The following PCSK5 variants were observed in gnomAD, a reference collection of about 807,000 sequenced individuals.
The protein encoded by PCSK5 is proprotein convertase subtilisin/kexin type 5, also known as prohormone convertase 5.
In PCSK5, 129 loss-of-function variants were observed where a neutral mutation model predicts 233.2. The ratio of observed to expected loss-of-function variants is 0.55; its 90% confidence interval spans 0.48 to 0.64. PCSK5 has a LOEUF of 0.64. PCSK5 is among the 30% of genes least tolerant of loss of function. The pLI, the probability that PCSK5 is intolerant of heterozygous loss-of-function variation, is 0.00. For missense variants in PCSK5, 2,076 were observed against 2,430.1 expected (o/e 0.85, Z 3.06); for synonymous variants, 825 against 879.2 (o/e 0.94, Z 1.09).
chr9:76,273,347 C>T (rs1827584338), intron 24 of PCSK5, among the ~76,000 whole-genome samples: 1 of 151,932 alleles, frequency 6.6e-6, no homozygotes, highest in East Asian at 1.9e-4. Context: ...TTTCTACTTG[C>T]TTCATTCCCC....
intron 3 of PCSK5, among the ~76,000 whole-genome samples, chr9:76,007,544 C>G (rs74644155): frequency 0.023 from 3,472 of 152,160 alleles, 132 homozygotes; most frequent in African/African-American, 0.077. Context: ...TTGATTTTAT[C>G]AATGCATTTG....
At chr9:75,941,136 C>A (rs778347893) in intron 2 of PCSK5, among the ~76,000 whole-genome samples, 1 of 152,190 alleles carries the variant, frequency 6.6e-6, no homozygotes, top group Non-Finnish European at 1.5e-5. Flanking sequence ...CTCCTTCCAG[C>A]GGGCGCTCCT....
intron 24 of PCSK5, among the ~76,000 whole-genome samples, chr9:76,282,147 T>TTTTCTC (rs1827894461): frequency 7.4e-6 from 1 of 135,294 alleles, no homozygotes; most frequent in Non-Finnish European, 1.5e-5. Flanking sequence ...TTTTTTTTTT[T>TTTTCTC]CGCTCTGTTG....
chr9:76,179,180 C>A (rs919273318), intron 14 of PCSK5, among the ~76,000 whole-genome samples: 2 of 152,106 alleles, frequency 1.3e-5, no homozygotes, highest in East Asian at 3.9e-4. Context: ...TTGGTCCAGG[C>A]GTTAAATAAT....
chr9:75,911,622 T>G (rs1822742741), intron 1 of PCSK5, among the ~76,000 whole-genome samples: 1 of 152,072 alleles, frequency 6.6e-6, no homozygotes, highest in African/African-American at 2.4e-5. Context: ...AAGCTATGAG[T>G]TGACTGGTAG....
chr9:76,087,821 C>T (rs1831126262), intron 7 of PCSK5, among the ~76,000 whole-genome samples: 1 of 152,084 alleles, frequency 6.6e-6, no homozygotes, highest in African/African-American at 2.4e-5. Flanking sequence ...TGGTATGGGG[C>T]TGAAAAGATA....
At chr9:76,071,426 T>G (rs1830476944) in intron 6 of PCSK5, among the ~76,000 whole-genome samples, 1 of 152,122 alleles carries the variant, frequency 6.6e-6, no homozygotes, top group Non-Finnish European at 1.5e-5. Context: ...CTTTGTCAAG[T>G]ACTCACTCAA....
At chr9:76,314,743 C>A (rs548750331) in intron 30 of PCSK5, among the ~76,000 whole-genome samples, 1 of 151,762 alleles carries the variant, frequency 6.6e-6, no homozygotes, top group East Asian at 2.0e-4. Flanking sequence ...TTCAAGCAAT[C>A]ATCCTGCCTC....
In PCSK5 at chr9:76,351,424, CCCCCCCTGCAATGTGAAAGAAAGGAA is replaced by C. The variant is rs1830119664; in HGVS notation, c.5067+497_5067+522del. 3.7e-5 allele frequency among the ~76,000 whole-genome samples: 4 copies of C among 109,036 alleles called. No individual in the cohort carries two copies. In the South Asian group the frequency reaches 1.4e-3, roughly 37 times the overall value. The allele number at this position is 109,036 out of a possible 152,430, so 71.5% of individuals were successfully genotyped here. On this transcript the variant is annotated intron_variant, in intron 36 of 37. Transcript: ENST00000674117. ...ATTTCTGGTTTCTACCAGAAACCGC[CCCCCCCTGCAATGTGAAAGAAAGGAA>C]AGAAAGAAAGAAAGAAAGAAAGAAA... is the stretch of plus-strand genomic sequence containing the variant.
At chr9:75,983,480 T>C (rs1218524428) in intron 2 of PCSK5, among the ~76,000 whole-genome samples, 14 of 152,188 alleles carry the variant, frequency 9.2e-5, no homozygotes, top group Admixed American at 8.5e-4. Context: ...GCACAATGTT[T>C]ACTTGGACCA....
rs1828405087 is a variant in PCSK5 at position 76,295,318 on chromosome 9, AG to A, written c.3230del (p.Ser1077MetfsTer31). 3 of 1,611,708 alleles carry A rather than the reference AG, an allele frequency of 1.9e-6. No individual in the cohort carries two copies. The highest frequency in any genetic ancestry group is 2.5e-6 in the Non-Finnish European group (3 of 1,179,046). On this transcript the variant is annotated frameshift_variant, in exon 26 of 38. Coordinates refer to ENST00000674117, the MANE Select transcript of PCSK5 (RefSeq NM_001372043.1). LOFTEE classifies it high-confidence loss of function. ...TAAAACCTGTCCTGAGAAGACCTAC[AG>A]TGAGGAAGTGGAATGCAAGGCGTGT... Reference protein sequence around the residue: ...CYKTCPEKTYSEEVECKACDS... With the variant: ...CYKTCPEKTYXEEVECKACDS...
In PCSK5 at chr9:75,957,800, G is replaced by T. The variant is rs147670152; in HGVS notation, c.297+25317G>T. 5.1e-3 allele frequency among the ~76,000 whole-genome samples: 775 copies of T among 152,236 alleles called. 9 individuals are homozygous for T. Among genetic ancestry groups the T allele is most frequent in the African/African-American group, 0.017 (723 of 41,548 alleles). On this transcript the variant is annotated intron_variant, in intron 2 of 37. Coordinates refer to ENST00000674117, the MANE Select transcript of PCSK5 (RefSeq NM_001372043.1). Reference sequence around the variant, plus strand: ...AATATGAACATTTCCTGTTAGTCAAGAAGAAAAAATGAAAACTTTTGGAAC... The same window carrying T: ...AATATGAACATTTCCTGTTAGTCAATAAGAAAAAATGAAAACTTTTGGAAC...
At chr9:75,930,444 G>T (rs568310901) in intron 1 of PCSK5, among the ~76,000 whole-genome samples, 1 of 152,134 alleles carries the variant, frequency 6.6e-6, no homozygotes, top group Non-Finnish European at 1.5e-5. Context: ...TAGATGAAGC[G>T]TACGGAATAG....
rs777224109 is a variant in PCSK5, at chr9:76,328,075, T to G, written c.4406T>G (p.Ile1469Ser). ...GTCTTCQKGL[I>S]MNPRGSCMAN... ...TGCACCACCTGTCAGAAAGGCCTGA[T>G]CATGAACCCTCGTGGGAGCTGCATG... The change falls in exon 33 of 38, where the codon ATC becomes AGC. Residue 1469 changes from isoleucine to serine, a missense_variant. Ile to Ser is a moderately radical substitution (Grantham distance 142). Around this residue, in one of 6 missense-constraint regions of PCSK5, gnomAD observed 1,510 missense variants for 1,538.1 expected, o/e 0.98. Transcript: ENST00000674117. 5.6e-6 allele frequency: 9 copies of G among 1,612,768 alleles called. No individual in the cohort carries two copies. The highest frequency in any genetic ancestry group is 7.6e-6 in the Non-Finnish European group (9 of 1,179,884).
At chr9:75,984,890 G>A (rs2131390529) in intron 2 of PCSK5, among the ~76,000 whole-genome samples, 1 of 152,268 alleles carries the variant, frequency 6.6e-6, no homozygotes, top group Non-Finnish European at 1.5e-5. Flanking sequence ...CACTTTGACT[G>A]AGAAGGATGC....
intron 13 of PCSK5, among the ~76,000 whole-genome samples, chr9:76,174,577 T>C (rs1462066143): frequency 6.6e-6 from 1 of 152,112 alleles, no homozygotes; most frequent in Non-Finnish European, 1.5e-5. Flanking sequence ...CCCAAGGTGC[T>C]GGGATTACAG....
intron 4 of PCSK5, 86 bp from the exon 5 acceptor site, chr9:76,026,875 T>C: frequency 1.2e-6 from 1 of 855,674 alleles, no homozygotes; most frequent in Non-Finnish European, 1.9e-6. Flanking sequence ...GGCAGAAATG[T>C]ATTTAAAAAT....
At chr9:75,906,077 C>T (rs965058506) in intron 1 of PCSK5, among the ~76,000 whole-genome samples, 3 of 152,074 alleles carry the variant, frequency 2.0e-5, no homozygotes, top group Non-Finnish European at 4.4e-5. Flanking sequence ...AGGAGACAAG[C>T]CATAATCCAG....
chr9:75,951,043 A>G (rs1824833434), intron 2 of PCSK5, among the ~76,000 whole-genome samples: 1 of 152,232 alleles, frequency 6.6e-6, no homozygotes, highest in Non-Finnish European at 1.5e-5. Context: ...CCTTCACAGG[A>G]GAAAGTTTCC....
Sources: gnomAD v4.1 joint callset for allele counts (sites outside exome capture counted in the v4.1 genomes callset) on GRCh38, gnomAD v4.1.1 for gene constraint, gnomAD v4.1.1 regional missense constraint, MANE v1.5 for transcripts, NCBI Gene and HGNC (gene_info 2026-07-23, HGNC 2026-07-21) for gene names.